Variants in LOC128706665 observed in about 807,000 individuals in gnomAD.
the LOC128706665 span, among the ~76,000 whole-genome samples, chr20:10,423,480 T>C: frequency 2.0e-5 from 3 of 152,278 alleles, no homozygotes; most frequent in East Asian, 1.9e-4. Context: ...AATAATAAAA[T>C]TGAGATTTGT....
chr20:10,423,775 CTTT>C, the LOC128706665 span, among the ~76,000 whole-genome samples: 1 of 152,142 alleles, frequency 6.6e-6, no homozygotes, highest in Non-Finnish European at 1.5e-5. Flanking sequence ...ATCGATGAAT[CTTT>C]TTCTAGATTT....
chr20:10,430,586 G>A, the LOC128706665 span, among the ~76,000 whole-genome samples: 1 of 152,194 alleles, frequency 6.6e-6, no homozygotes, highest in Admixed American at 6.5e-5. Flanking sequence ...ACTTCTCTGG[G>A]CAGTTTCAGT....
At chr20:10,419,462 AG>A in the LOC128706665 span, among the ~76,000 whole-genome samples, 1 of 152,232 alleles carries the variant, frequency 6.6e-6, no homozygotes, top group Non-Finnish European at 1.5e-5. Context: ...TTTCATATTA[AG>A]TGGAATAAAA....
chr20:10,415,969 T>C, the LOC128706665 span, among the ~76,000 whole-genome samples: 1 of 151,296 alleles, frequency 6.6e-6, no homozygotes. Context: ...CAAAAGAAGG[T>C]ACAAGAAAGA....
the LOC128706665 span, among the ~76,000 whole-genome samples, chr20:10,430,854 G>A: frequency 5.3e-5 from 8 of 152,346 alleles, 1 homozygote; most frequent in South Asian, 6.2e-4. Context: ...TCAAATGTGA[G>A]AATCCTACAA....
chr20:10,434,140 C>G, the LOC128706665 span: 1 of 152,780 alleles, frequency 6.5e-6, no homozygotes, highest in Admixed American at 6.5e-5. Context: ...CCCCAGGCCG[C>G]CACCGCCAGA....
the LOC128706665 span, among the ~76,000 whole-genome samples, chr20:10,416,591 A>G: frequency 1.3e-5 from 2 of 152,226 alleles, no homozygotes; most frequent in African/African-American, 4.8e-5. Context: ...ACTCATTATT[A>G]TAAAAACCAA....
At chr20:10,433,744 A>T in the LOC128706665 span, among the ~76,000 whole-genome samples, 2 of 152,138 alleles carry the variant, frequency 1.3e-5, no homozygotes, top group East Asian at 3.9e-4. Flanking sequence ...CCAGACAGTC[A>T]GGGGCACACG....
chr20:10,419,170 C>T, the LOC128706665 span, among the ~76,000 whole-genome samples: 1 of 152,070 alleles, frequency 6.6e-6, no homozygotes, highest in Non-Finnish European at 1.5e-5. Context: ...AGAGCAGAAC[C>T]TTACACTCAT....
chr20:10,430,142 G>A, the LOC128706665 span, among the ~76,000 whole-genome samples: 1 of 152,194 alleles, frequency 6.6e-6, no homozygotes, highest in East Asian at 1.9e-4. Context: ...TAGTACAGCA[G>A]AAAGAAAAAT....
the LOC128706665 span, among the ~76,000 whole-genome samples, chr20:10,423,335 C>T: frequency 0.14 from 21,707 of 151,942 alleles, 1,744 homozygotes; most frequent in East Asian, 0.24. Context: ...GTAGGAGGAT[C>T]GCTTGGACCT....
the LOC128706665 span, among the ~76,000 whole-genome samples, chr20:10,430,399 G>A: frequency 6.7e-6 from 1 of 148,442 alleles, no homozygotes; most frequent in Admixed American, 6.9e-5. Context: ...AGCTTGCTGT[G>A]CAGTTATCAC....
the LOC128706665 span, among the ~76,000 whole-genome samples, chr20:10,430,067 T>C: frequency 6.6e-6 from 1 of 152,190 alleles, no homozygotes; most frequent in Non-Finnish European, 1.5e-5. Context: ...ACAAATCTGG[T>C]TGTATTCCTG....
the LOC128706665 span, among the ~76,000 whole-genome samples, chr20:10,415,762 T>C: frequency 1.3e-4 from 20 of 152,342 alleles, no homozygotes; most frequent in Middle Eastern, 0.014. Context: ...CAATACTTAA[T>C]AGTGTCATGT....
At chr20:10,430,959 G>A in the LOC128706665 span, among the ~76,000 whole-genome samples, 1 of 152,132 alleles carries the variant, frequency 6.6e-6, no homozygotes, top group African/African-American at 2.4e-5. Context: ...GAGAATCAAA[G>A]TCTAACCTCC....
the LOC128706665 span, among the ~76,000 whole-genome samples, chr20:10,419,518 C>A: frequency 2.0e-5 from 3 of 152,206 alleles, no homozygotes; most frequent in East Asian, 5.8e-4. Context: ...GTTCCAAGAC[C>A]ACCCAGTGGA....
At chr20:10,427,029 GACACACACACACAC>G in the LOC128706665 span, among the ~76,000 whole-genome samples, 1,205 of 130,720 alleles carry the variant, frequency 9.2e-3, 11 homozygotes, top group African/African-American at 0.027. Flanking sequence ...AGAAAACACT[GACACACACACACAC>G]ACACACACAC....
the LOC128706665 span, among the ~76,000 whole-genome samples, chr20:10,415,038 A>G: frequency 2.6e-5 from 4 of 152,344 alleles, no homozygotes; most frequent in African/African-American, 9.6e-5. Context: ...ATAAAATGTT[A>G]TATATCAAAA....
chr20:10,414,035 G>C, the LOC128706665 span: 1 of 384,732 alleles, frequency 2.6e-6, no homozygotes, highest in Non-Finnish European at 4.6e-6. Flanking sequence ...TTTAGAAAAA[G>C]GAACTACTAA....
Sources: allele counts gnomAD v4.1 joint callset (sites outside exome capture counted in the v4.1 genomes callset), GRCh38; gene constraint gnomAD v4.1.1; transcripts MANE v1.5.